THEMIS: variants seen among roughly 807,000 people sequenced by gnomAD.
The protein encoded by THEMIS is thymocyte selection associated, also known as protein THEMIS.
THEMIS carries 37 observed loss-of-function variants against 52.6 expected under a neutral mutation model. That is an observed-to-expected ratio of 0.70 (90% confidence interval 0.54 to 0.93). The LOEUF (loss-of-function observed/expected upper bound fraction) is 0.93, where lower values mean the gene tolerates loss of function less well. Among genes scored for constraint, THEMIS ranks in the 40% least tolerant of loss-of-function variants. THEMIS has a pLI of 0.00. For missense variants in THEMIS, 808 were observed against 763.1 expected (o/e 1.06, Z -0.69); for synonymous variants, 292 against 272.7 (o/e 1.07, Z -0.70).
chr6:127,753,245 AT>A (rs1775709000), intron 4 of THEMIS, among the ~76,000 whole-genome samples: 1 of 152,054 alleles, frequency 6.6e-6, no homozygotes, highest in Non-Finnish European at 1.5e-5. Context: ...TTCTTCTAAG[AT>A]CAAGAACAGG....
At chr6:127,715,089 T>C (rs1774111814) in intron 5 of THEMIS, among the ~76,000 whole-genome samples, 1 of 152,082 alleles carries the variant, frequency 6.6e-6, no homozygotes, top group Middle Eastern at 3.4e-3. Context: ...CAGCACATTC[T>C]TAAACATTTA....
At chr6:127,843,152 T>G (rs1030417192) in intron 2 of THEMIS, among the ~76,000 whole-genome samples, 3 of 152,050 alleles carry the variant, frequency 2.0e-5, no homozygotes, top group Admixed American at 6.6e-5. Context: ...CATCTAAAAA[T>G]TTCTGTTTCC....
intron 5 of THEMIS, among the ~76,000 whole-genome samples, chr6:127,710,909 T>C (rs1773953715): frequency 6.6e-6 from 1 of 151,772 alleles, no homozygotes; most frequent in Non-Finnish European, 1.5e-5. Context: ...TTCTGAGCAC[T>C]CAATAGCCTA....
chr6:127,764,501 G>T (rs1178919380), intron 4 of THEMIS, among the ~76,000 whole-genome samples: 1 of 152,002 alleles, frequency 6.6e-6, no homozygotes, highest in Non-Finnish European at 1.5e-5. Flanking sequence ...TATCATAGCT[G>T]CAGAGAAGGC....
chr6:127,857,626 C>T (rs1259252098), intron 1 of THEMIS, among the ~76,000 whole-genome samples: 1 of 152,006 alleles, frequency 6.6e-6, no homozygotes, highest in Admixed American at 6.6e-5. Flanking sequence ...CATTTAAGGA[C>T]AGGTCATTTG....
upstream of THEMIS, among the ~76,000 whole-genome samples, chr6:127,901,370 G>A (rs933973821): frequency 2.0e-5 from 3 of 152,010 alleles, no homozygotes; most frequent in Admixed American, 1.3e-4. Flanking sequence ...TCTTAAAAAT[G>A]GCACCATGTG....
At chr6:127,819,512 C>A (rs1778261383) in intron 3 of THEMIS, among the ~76,000 whole-genome samples, 1 of 152,036 alleles carries the variant, frequency 6.6e-6, no homozygotes, top group South Asian at 2.1e-4. Flanking sequence ...TTCTTCAAAT[C>A]AAAGACAAAG....
At chr6:127,742,490 A>G (rs1054757297) in intron 4 of THEMIS, among the ~76,000 whole-genome samples, 1 of 152,214 alleles carries the variant, frequency 6.6e-6, no homozygotes, top group African/African-American at 2.4e-5. Context: ...AGTATTATTC[A>G]CAACAGCTAA....
chr6:127,700,687 G>A, the THEMIS span, among the ~76,000 whole-genome samples: 1 of 152,102 alleles, frequency 6.6e-6, no homozygotes, highest in Middle Eastern at 3.4e-3. Context: ...GCTAAAGTAT[G>A]TGCCTAACAA....
intron 4 of THEMIS, among the ~76,000 whole-genome samples, chr6:127,804,715 A>T (rs1022252813): frequency 1.3e-5 from 2 of 152,178 alleles, no homozygotes; most frequent in African/African-American, 4.8e-5. Context: ...AATAGCTTGG[A>T]TAGGGTGGTT....
At chr6:127,834,397 C>A (rs1355479486) in intron 2 of THEMIS, among the ~76,000 whole-genome samples, 2 of 139,876 alleles carry the variant, frequency 1.4e-5, no homozygotes, top group Non-Finnish European at 3.0e-5. Context: ...CATGATGAAA[C>A]CCCGTCTCCA....
intron 4 of THEMIS, among the ~76,000 whole-genome samples, chr6:127,747,353 G>A (rs909345792): frequency 1.4e-5 from 2 of 142,278 alleles, no homozygotes; most frequent in Non-Finnish European, 3.0e-5. Context: ...TACAATTATA[G>A]ATATATAATA....
intron 4 of THEMIS, among the ~76,000 whole-genome samples, chr6:127,787,402 T>G (rs998530981): frequency 1.3e-5 from 2 of 152,138 alleles, no homozygotes; most frequent in Admixed American, 6.5e-5. Flanking sequence ...TCCGCCAAGA[T>G]GAATCTAGTC....
intron 4 of THEMIS, among the ~76,000 whole-genome samples, chr6:127,733,147 G>A (rs1162993251): frequency 2.0e-5 from 3 of 152,192 alleles, no homozygotes; most frequent in Non-Finnish European, 1.5e-5. Context: ...TACCTAATTT[G>A]TGAAGTAACT....
chr6:127,844,480 A>T (rs946930014), intron 2 of THEMIS, among the ~76,000 whole-genome samples: 8 of 152,068 alleles, frequency 5.3e-5, no homozygotes, highest in South Asian at 2.1e-4. Context: ...ATATTAAAAC[A>T]GAAAAATGTC....
At chr6:127,714,182 T>C (rs1357810485) in intron 5 of THEMIS, among the ~76,000 whole-genome samples, 1 of 151,828 alleles carries the variant, frequency 6.6e-6, no homozygotes, top group Non-Finnish European at 1.5e-5. Context: ...TACAGCAGAC[T>C]CACCTGAGAT....
intron 4 of THEMIS, among the ~76,000 whole-genome samples, chr6:127,769,340 C>A (rs1204797918): frequency 1.3e-5 from 2 of 148,616 alleles, no homozygotes; most frequent in East Asian, 3.9e-4. Flanking sequence ...GAAAATAGAC[C>A]AGTTTTTTTT....
At chr6:127,779,850 T>TC (rs1776685552) in intron 4 of THEMIS, among the ~76,000 whole-genome samples, 1 of 152,200 alleles carries the variant, frequency 6.6e-6, no homozygotes, top group East Asian at 1.9e-4. Context: ...ATAGCTTCAA[T>TC]TTTCCTAATA....
At chr6:127,769,339 C>A (rs945453083) in intron 4 of THEMIS, among the ~76,000 whole-genome samples, 4 of 150,116 alleles carry the variant, frequency 2.7e-5, no homozygotes, top group Non-Finnish European at 5.9e-5. Flanking sequence ...TGAAAATAGA[C>A]CAGTTTTTTT....
Sources: gnomAD v4.1 joint callset for allele counts (sites outside exome capture counted in the v4.1 genomes callset) on GRCh38, gnomAD v4.1.1 for gene constraint, MANE v1.5 for transcripts, NCBI Gene and HGNC (gene_info 2026-07-23, HGNC 2026-07-21) for gene names.